The following RPS6KC1 variants were observed in gnomAD, a reference collection of about 807,000 sequenced individuals.
The protein encoded by RPS6KC1 is ribosomal protein S6 kinase C1.
RPS6KC1 carries 54 observed loss-of-function variants against 103.8 expected under a neutral mutation model. That is an observed-to-expected ratio of 0.52 (90% CI 0.42 to 0.65). The LOEUF (loss-of-function observed/expected upper bound fraction) is 0.65, where lower values mean the gene tolerates loss of function less well. Among genes scored for constraint, RPS6KC1 ranks in the 30% least tolerant of loss-of-function variants. The probability of loss-of-function intolerance (pLI) is 0.00; values close to 1 mark genes in which losing one functional copy is unlikely to be tolerated. For synonymous variants in RPS6KC1, 439 were observed against 438.7 expected (o/e 1.00, Z -0.01); for missense variants, 1,151 against 1,253.8 (o/e 0.92, Z 1.24).
At chr1:213,146,185 T>A (rs902214376) in intron 6 of RPS6KC1, among the ~76,000 whole-genome samples, 1 of 151,728 alleles carries the variant, frequency 6.6e-6, no homozygotes, top group African/African-American at 2.4e-5. Flanking sequence ...ACACAATAAT[T>A]TTCAGTTCCA....
At chr1:213,444,395 C>T in the RPS6KC1 span, among the ~76,000 whole-genome samples, 106,876 of 151,926 alleles carry the variant, frequency 0.7, 37,877 homozygotes, top group East Asian at 0.87. Flanking sequence ...TGGGGTAGAG[C>T]GGCCCCAGTT....
At chr1:213,343,052 TA>T in the RPS6KC1 span, among the ~76,000 whole-genome samples, 1 of 151,974 alleles carries the variant, frequency 6.6e-6, no homozygotes, top group Non-Finnish European at 1.5e-5. Context: ...AATTTTTTTG[TA>T]GTTGAAATAC....
chr1:213,745,565 T>C, the RPS6KC1 span, among the ~76,000 whole-genome samples: 1 of 152,086 alleles, frequency 6.6e-6, no homozygotes, highest in Non-Finnish European at 1.5e-5. Flanking sequence ...TCAGCATTGA[T>C]TGGGGTTGTA....
the RPS6KC1 span, among the ~76,000 whole-genome samples, chr1:213,637,100 A>G: frequency 6.6e-6 from 1 of 152,208 alleles, no homozygotes; most frequent in African/African-American, 2.4e-5. Flanking sequence ...TGATCATTAA[A>G]AAGTCAGGAA....
chr1:213,297,423 A>G, the RPS6KC1 span, among the ~76,000 whole-genome samples: 1 of 152,228 alleles, frequency 6.6e-6, no homozygotes, highest in Non-Finnish European at 1.5e-5. Context: ...ACAAATGTCC[A>G]CTGTGACTGC....
the RPS6KC1 span, among the ~76,000 whole-genome samples, chr1:213,505,361 A>C: frequency 6.6e-6 from 1 of 152,144 alleles, no homozygotes; most frequent in Admixed American, 6.5e-5. Flanking sequence ...ATCATAGGAC[A>C]CACAACCTCT....
At chr1:213,563,972 CTT>C in the RPS6KC1 span, among the ~76,000 whole-genome samples, 24 of 134,392 alleles carry the variant, frequency 1.8e-4, no homozygotes, top group African/African-American at 2.4e-4. Flanking sequence ...TTGCTTACCT[CTT>C]TTTTTTTTTT....
At chr1:213,295,013 C>T in the RPS6KC1 span, among the ~76,000 whole-genome samples, 2 of 151,912 alleles carry the variant, frequency 1.3e-5, no homozygotes, top group Non-Finnish European at 2.9e-5. Flanking sequence ...GATTGGGGGT[C>T]TTGAACTGGA....
At chr1:213,218,867 A>G (rs1474285488) in intron 8 of RPS6KC1, among the ~76,000 whole-genome samples, 5 of 152,094 alleles carry the variant, frequency 3.3e-5, no homozygotes. Context: ...TAAAAAAATT[A>G]AATTTGGATT....
the RPS6KC1 span, among the ~76,000 whole-genome samples, chr1:213,295,997 T>G: frequency 2.0e-5 from 3 of 152,236 alleles, no homozygotes; most frequent in Admixed American, 1.3e-4. Context: ...TTTAGAATAT[T>G]TCTGTCTTTC....
At chr1:213,833,855 G>A in the RPS6KC1 span, among the ~76,000 whole-genome samples, 1 of 152,120 alleles carries the variant, frequency 6.6e-6, no homozygotes, top group Non-Finnish European at 1.5e-5. Context: ...AAACTTTTGA[G>A]TCTCATTTAC....
intron 12 of RPS6KC1, among the ~76,000 whole-genome samples, chr1:213,249,925 AT>A (rs1310008181): frequency 6.6e-6 from 1 of 152,208 alleles, no homozygotes; most frequent in Non-Finnish European, 1.5e-5. Context: ...TGTACAGATA[AT>A]TGCAGGAAAG....
the RPS6KC1 span, among the ~76,000 whole-genome samples, chr1:213,511,538 C>T: frequency 2.6e-5 from 4 of 152,328 alleles, no homozygotes; most frequent in East Asian, 7.7e-4. Flanking sequence ...CACCCCTCTG[C>T]TCCGAATCCC....
At chr1:213,233,931 T>G (rs181157629) in intron 10 of RPS6KC1, among the ~76,000 whole-genome samples, 2 of 152,126 alleles carry the variant, frequency 1.3e-5, no homozygotes, top group Non-Finnish European at 2.9e-5. Context: ...CTGGATTAAT[T>G]AAATATTCAG....
At chr1:213,808,054 T>C in the RPS6KC1 span, among the ~76,000 whole-genome samples, 2 of 152,206 alleles carry the variant, frequency 1.3e-5, no homozygotes, top group Admixed American at 1.3e-4. Flanking sequence ...CAGACCCTGT[T>C]TGCCTGGGTA....
chr1:213,759,294 C>T, the RPS6KC1 span, among the ~76,000 whole-genome samples: 2 of 152,128 alleles, frequency 1.3e-5, no homozygotes, highest in Non-Finnish European at 2.9e-5. Flanking sequence ...TGCTATTGCA[C>T]ACTTAATAGA....
At chr1:213,613,485 G>A in the RPS6KC1 span, among the ~76,000 whole-genome samples, 2 of 152,162 alleles carry the variant, frequency 1.3e-5, no homozygotes, top group South Asian at 2.1e-4. Flanking sequence ...CCCAGAAAGG[G>A]ACTGTGGTGG....
the RPS6KC1 span, among the ~76,000 whole-genome samples, chr1:213,709,641 C>T: frequency 6.6e-6 from 1 of 152,136 alleles, no homozygotes; most frequent in African/African-American, 2.4e-5. Context: ...TTCCCACTTC[C>T]TCCAGTGGGC....
the RPS6KC1 span, among the ~76,000 whole-genome samples, chr1:213,390,443 T>C: frequency 6.6e-6 from 1 of 152,250 alleles, no homozygotes; most frequent in African/African-American, 2.4e-5. Context: ...TGGACACTTA[T>C]CTGGGGCTAT....
Sources: gnomAD v4.1 joint callset for allele counts (sites outside exome capture counted in the v4.1 genomes callset) on GRCh38, gnomAD v4.1.1 for gene constraint, MANE v1.5 for transcripts, NCBI Gene and HGNC (gene_info 2026-07-23, HGNC 2026-07-21) for gene names.